The following RTN3 variants were observed in gnomAD, a reference collection of about 807,000 sequenced individuals.
The protein encoded by RTN3 is reticulon-3.
RTN3 carries 49 observed loss-of-function variants against 77.8 expected under a neutral mutation model. That is an observed-to-expected ratio of 0.63 (90% CI 0.50 to 0.80). The LOEUF (loss-of-function observed/expected upper bound fraction) is 0.80, where lower values mean the gene tolerates loss of function less well. Among genes scored for constraint, RTN3 ranks in the 30% least tolerant of loss-of-function variants. RTN3 has a pLI of 0.00. For synonymous variants in RTN3, 464 were observed against 446.9 expected (o/e 1.04, Z -0.48); for missense variants, 1,236 against 1,211.9 (o/e 1.02, Z -0.29).
At chr11:63,698,781 T>G in intron 1 of RTN3, 20 of 168,666 alleles carry the variant, frequency 1.2e-4, no homozygotes, top group Non-Finnish European at 2.6e-4. Context: ...AATATTGAGA[T>G]ACCTCAAGAT....
intron 1 of RTN3, among the ~76,000 whole-genome samples, chr11:63,688,011 C>A (rs1338076694): frequency 6.6e-6 from 1 of 152,136 alleles, no homozygotes; most frequent in Non-Finnish European, 1.5e-5. Context: ...AGGGAGGAGT[C>A]AAGATGTTTC....
At chr11:63,744,214 C>T (rs1431590516) in intron 3 of RTN3, among the ~76,000 whole-genome samples, 1 of 127,654 alleles carries the variant, frequency 7.8e-6, no homozygotes, top group Non-Finnish European at 1.5e-5. Flanking sequence ...TGCACTCGAG[C>T]CTGGCGACAG....
intron 2 of RTN3, chr11:63,714,027 T>C (rs767973226): frequency 1.9e-5 from 10 of 518,642 alleles, no homozygotes; most frequent in Middle Eastern, 3.2e-4. Flanking sequence ...ATTGGAAGAG[T>C]CTTTGCTTAT....
intron 1 of RTN3, among the ~76,000 whole-genome samples, chr11:63,690,420 CAGAA>C (rs754424961): frequency 9.9e-5 from 15 of 152,132 alleles, no homozygotes; most frequent in Admixed American, 2.6e-4. Context: ...CTGTGGAAGA[CAGAA>C]AGGTAAATAA....
At chr11:63,715,033 A>C (rs913607818) in intron 2 of RTN3, among the ~76,000 whole-genome samples, 1 of 152,190 alleles carries the variant, frequency 6.6e-6, no homozygotes, top group Non-Finnish European at 1.5e-5. Flanking sequence ...CAGTTTTACC[A>C]TGCTCTTCCC....
At chr11:63,757,740 G>A (rs1437662292) in intron 8 of RTN3, among the ~76,000 whole-genome samples, 1 of 69,320 alleles carries the variant, frequency 1.4e-5, no homozygotes, top group African/African-American at 6.2e-5. Context: ...TTTTTTTTTT[G>A]AGATGGAGTC....
intron 5 of RTN3, 150 bp downstream of exon 5, chr11:63,752,795 G>A (rs2014175193): frequency 1.2e-6 from 1 of 859,374 alleles, no homozygotes; most frequent in African/African-American, 1.7e-5. Flanking sequence ...TGTCACTAGA[G>A]AAAGGTATAG....
chr11:63,683,972 T>TTTTTTTTTTTTTTA (rs1375625604), intron 1 of RTN3, among the ~76,000 whole-genome samples: 5 of 136,054 alleles, frequency 3.7e-5, no homozygotes, highest in Non-Finnish European at 6.4e-5. Context: ...TTTTTTTTTT[T>TTTTTTTTTTTTTTA]AGACAAGGTC....
intron 2 of RTN3, 29 bp from the exon 3 acceptor site, chr11:63,718,672 CA>C: frequency 6.6e-7 from 1 of 1,508,038 alleles, no homozygotes; most frequent in Non-Finnish European, 8.8e-7. Flanking sequence ...ACCTGGTAAA[CA>C]ATTTTTTTCT....
intron 1 of RTN3, among the ~76,000 whole-genome samples, chr11:63,696,543 AT>A (rs71039663): frequency 0.064 from 7,509 of 118,244 alleles, 631 homozygotes; most frequent in African/African-American, 0.23. Context: ...CCCTGTCACT[AT>A]TTTTTTTTTT....
In RTN3 at chr11:63,719,179, A is replaced by G; in HGVS notation, c.677A>G (p.Tyr226Cys). 1 of 1,614,222 alleles carries G rather than the reference A, an allele frequency of 6.2e-7. No individual in the cohort carries two copies. Among genetic ancestry groups the G allele is most frequent in the Non-Finnish European group, 8.5e-7 (1 of 1,180,034 alleles). ...TCTAAGGTAGAAGGCATTTATACATATTCTTTGTCTCCATCCAAAGTTTCA... is the reference window on the plus strand; with the variant it reads ...TCTAAGGTAGAAGGCATTTATACATGTTCTTTGTCTCCATCCAAAGTTTCA... ...EYSKVEGIYT[Y>C]SLSPSKVSGD... The change falls in exon 3 of 9, where the codon TAT becomes TGT. Residue 226 changes from tyrosine to cysteine, a missense_variant. Tyr to Cys is a radical substitution (Grantham distance 194). Around this residue, in one of 3 missense-constraint regions of RTN3, gnomAD observed 1,056 missense variants for 990.4 expected, o/e 1.07. Coordinates refer to ENST00000377819, the MANE Select transcript of RTN3 (RefSeq NM_001265589.2).
chr11:63,713,951 C>G (rs368448830), intron 2 of RTN3: 3 of 509,634 alleles, frequency 5.9e-6, no homozygotes, highest in African/African-American at 5.8e-5. Context: ...ATTCACTGGA[C>G]TTTTCTGTCC....
intron 3 of RTN3, among the ~76,000 whole-genome samples, chr11:63,745,874 G>A (rs943407793): frequency 2.0e-4 from 30 of 152,160 alleles, no homozygotes; most frequent in African/African-American, 6.8e-4. Flanking sequence ...GCAAAGGTGC[G>A]ATCTCGGCTC....
chr11:63,699,325 C>T (rs1015261698), intron 1 of RTN3, among the ~76,000 whole-genome samples: 3 of 151,790 alleles, frequency 2.0e-5, no homozygotes, highest in South Asian at 2.1e-4. Flanking sequence ...AAAAAGAATT[C>T]CTTCTGTGTT....
Position 63,758,425 on chromosome 11 carries a change from G to T in RTN3, c.*224G>T. On this transcript the variant is annotated 3_prime_UTR_variant, in exon 9 of 9. Coordinates refer to ENST00000377819, the MANE Select transcript of RTN3 (RefSeq NM_001265589.2). ...CTATCTTAGAACTCAGAAGAAGAAA[G>T]AATCAAATTCATAGGATAAGTCAAT... 2 of 1,297,742 alleles carry T rather than the reference G, an allele frequency of 1.5e-6. No homozygotes were observed. The highest frequency in any genetic ancestry group is 2.1e-6 in the Non-Finnish European group (2 of 943,450). 80.4% of individuals were successfully genotyped at this position (1,297,742 alleles called of 1,614,324 possible).
intron 3 of RTN3, among the ~76,000 whole-genome samples, chr11:63,730,451 G>T (rs2012609485): frequency 6.6e-6 from 1 of 152,240 alleles, no homozygotes; most frequent in Non-Finnish European, 1.5e-5. Flanking sequence ...AGTTATAAGT[G>T]TGTATGTGCC....
At chr11:63,731,135 C>T (rs1351560210) in intron 3 of RTN3, among the ~76,000 whole-genome samples, 1 of 151,982 alleles carries the variant, frequency 6.6e-6, no homozygotes, top group South Asian at 2.1e-4. Flanking sequence ...GGCTGGAGTG[C>T]AGTGGTGTGA....
rs1326624233 is a variant in RTN3 at position 63,725,238 on chromosome 11, TATC to T, written c.2530+4209_2530+4211del. Among the ~76,000 whole-genome samples the T allele has an allele frequency of 7.9e-5, 12 of 152,344 alleles. No individual in the cohort carries two copies. The East Asian group carries it at 1.3e-3, about 17-fold the overall frequency. Reference sequence around the variant, plus strand: ...ATGCTTTTTAACCATTCATTCATGTTATCATGTTTGTTGTATAACGTTTTCCAT... The same window carrying T: ...ATGCTTTTTAACCATTCATTCATGTTATGTTTGTTGTATAACGTTTTCCAT... On this transcript the variant is annotated intron_variant, in intron 3 of 8. Transcript: ENST00000377819.
intron 3 of RTN3, among the ~76,000 whole-genome samples, chr11:63,729,632 AT>A (rs1446983045): frequency 6.7e-6 from 1 of 150,144 alleles, no homozygotes; most frequent in African/African-American, 2.5e-5. Context: ...TAATTTTTTT[AT>A]TTTTTTAGTA....
Sources: gnomAD v4.1 joint callset for allele counts (sites outside exome capture counted in the v4.1 genomes callset) on GRCh38, gnomAD v4.1.1 for gene constraint, gnomAD v4.1.1 regional missense constraint, MANE v1.5 for transcripts, NCBI Gene and HGNC (gene_info 2026-07-23, HGNC 2026-07-21) for gene names.